The following HCN1 variants were observed in gnomAD, a reference collection of about 807,000 sequenced individuals.
HCN1 encodes the protein potassium/sodium hyperpolarization-activated cyclic nucleotide-gated channel 1.
In HCN1, 13 loss-of-function variants were observed where a neutral mutation model predicts 78.9. That is an observed-to-expected ratio of 0.16 (90% confidence interval 0.11 to 0.26). HCN1 has a LOEUF of 0.26. Among genes scored for constraint, HCN1 ranks in the 10% least tolerant of loss-of-function variants. HCN1 has a pLI of 1.00. For synonymous variants in HCN1, 552 were observed against 455.5 expected (o/e 1.21, Z -2.70); for missense variants, 810 against 1,154.3 (o/e 0.70, Z 4.32).
rs560403414 is a variant in HCN1 at position 45,398,104 on chromosome 5, T to C, written c.1012-1394A>G. ...ACTTCTGATAATTTATTTAAAAATA[T>C]ATATTTGAGTACATTTGGAGCTGAT... On this transcript the variant is annotated intron_variant, in intron 3 of 7. Transcript: ENST00000303230. 2.0e-4 allele frequency among the ~76,000 whole-genome samples: 31 copies of C among 152,108 alleles called. No individual in the cohort carries two copies. In the East Asian group the frequency reaches 2.5e-3, roughly 12 times the overall value.
At chr5:45,500,968 TC>T (rs1742175608) in intron 2 of HCN1, among the ~76,000 whole-genome samples, 1 of 152,174 alleles carries the variant, frequency 6.6e-6, no homozygotes, top group Admixed American at 6.5e-5. Flanking sequence ...CAAACTTTTA[TC>T]CTATTTATCT....
intron 2 of HCN1, among the ~76,000 whole-genome samples, chr5:45,553,697 C>T (rs1743419298): frequency 6.6e-6 from 1 of 151,854 alleles, no homozygotes; most frequent in Non-Finnish European, 1.5e-5. Flanking sequence ...TGTGCATCTG[C>T]CCATATACCT....
rs547688041 is a variant in HCN1 at position 45,514,064 on chromosome 5, G to A, written c.850-52057C>T. Among the ~76,000 whole-genome samples the A allele has an allele frequency of 1.4e-4, 22 of 152,108 alleles. 1 individual carries two copies. The South Asian group carries it at 4.2e-3, about 29-fold the overall frequency. ...GAAAGTTATAGGATAGAAACTATAC[G>A]TCAAAGAAAGGTTAACAGTGGGAAC... On this transcript the variant is annotated intron_variant, in intron 2 of 7. Coordinates refer to ENST00000303230, the MANE Select transcript of HCN1 (RefSeq NM_021072.4).
intron 3 of HCN1, among the ~76,000 whole-genome samples, chr5:45,446,996 C>T (rs1055366311): frequency 6.6e-6 from 1 of 151,116 alleles, no homozygotes; most frequent in African/African-American, 2.4e-5. Flanking sequence ...GCAAAATAAC[C>T]AGCTAACATC....
chr5:45,301,507 C>T lies in HCN1; in HGVS notation c.1618+2092G>A, dbSNP rs114954170. 4.8e-3 allele frequency among the ~76,000 whole-genome samples: 726 copies of T among 151,192 alleles called. 3 individuals carry two copies. The highest frequency in any genetic ancestry group is 0.017 in the African/African-American group (695 of 41,318). On this transcript the variant is annotated intron_variant, in intron 6 of 7. Coordinates refer to ENST00000303230, the MANE Select transcript of HCN1 (RefSeq NM_021072.4). ...GTCAAGGGAGGAGGATTGTTTGAGC[C>T]CAGGAGTTAGAGACCAGCCTGGGCA...
chr5:45,287,719 C>A (rs758882399), intron 6 of HCN1, among the ~76,000 whole-genome samples: 3 of 152,038 alleles, frequency 2.0e-5, no homozygotes, highest in Non-Finnish European at 4.4e-5. Flanking sequence ...CACACACACA[C>A]ATTGATATAG....
intron 2 of HCN1, among the ~76,000 whole-genome samples, chr5:45,564,635 T>C (rs988108779): frequency 7.9e-5 from 12 of 152,352 alleles, no homozygotes; most frequent in Non-Finnish European, 1.3e-4. Flanking sequence ...TAATCCTTTA[T>C]GCCAGTCTCA....
At chr5:45,276,325 CAGTGT>C (rs1745057705) in intron 6 of HCN1, among the ~76,000 whole-genome samples, 1 of 152,054 alleles carries the variant, frequency 6.6e-6, no homozygotes, top group African/African-American at 2.4e-5. Flanking sequence ...TTCATTAGTG[CAGTGT>C]CACACTTTAA....
chr5:45,381,211 T>G (rs947684800), intron 4 of HCN1, among the ~76,000 whole-genome samples: 2 of 152,098 alleles, frequency 1.3e-5, no homozygotes, highest in African/African-American at 4.8e-5. Context: ...TGAAAATAAT[T>G]TAATATTTTT....
rs78604847 is a variant in HCN1 at position 45,489,659 on chromosome 5, C to T, written c.850-27652G>A. On this transcript the variant is annotated intron_variant, in intron 2 of 7. Coordinates refer to ENST00000303230, the MANE Select transcript of HCN1 (RefSeq NM_021072.4). Reference sequence around the variant, plus strand: ...GCTTCAGTTTCTCCAGTAAAGGCACCAAAGTATTTAGCATGGTCAGCTTAT... The same window carrying T: ...GCTTCAGTTTCTCCAGTAAAGGCACTAAAGTATTTAGCATGGTCAGCTTAT... Among the ~76,000 whole-genome samples the T allele has an allele frequency of 4.7e-3, 710 of 152,164 alleles. 4 individuals are homozygous for T. Among genetic ancestry groups the T allele is most frequent in the Middle Eastern group, 0.01 (3 of 294 alleles).
intron 2 of HCN1, among the ~76,000 whole-genome samples, chr5:45,561,932 T>C (rs1743613174): frequency 6.6e-6 from 1 of 152,184 alleles, no homozygotes; most frequent in Non-Finnish European, 1.5e-5. Context: ...AAGCTTTGTG[T>C]TTAAGACTTT....
intron 2 of HCN1, among the ~76,000 whole-genome samples, chr5:45,471,490 T>A (rs553135365): frequency 1.3e-5 from 2 of 152,032 alleles, no homozygotes; most frequent in South Asian, 2.1e-4. Context: ...CTTTCAACTC[T>A]TAAAAAGTTT....
chr5:45,302,232 T>C (rs1166928608), intron 6 of HCN1, among the ~76,000 whole-genome samples: 2 of 151,926 alleles, frequency 1.3e-5, no homozygotes, highest in African/African-American at 4.8e-5. Context: ...TGCCCCCATG[T>C]TGTTCTCATG....
intron 1 of HCN1, among the ~76,000 whole-genome samples, chr5:45,676,998 G>T (rs987182647): frequency 6.6e-6 from 1 of 151,698 alleles, no homozygotes; most frequent in Non-Finnish European, 1.5e-5. Context: ...TTTTTCAGCA[G>T]TTGCTTCATT....
chr5:45,437,217 A>T (rs1740575302), intron 3 of HCN1, among the ~76,000 whole-genome samples: 1 of 152,206 alleles, frequency 6.6e-6, no homozygotes, highest in African/African-American at 2.4e-5. Context: ...GAATGAATGA[A>T]TCGGGTATGA....
intron 2 of HCN1, among the ~76,000 whole-genome samples, chr5:45,488,139 C>A (rs1741806687): frequency 6.6e-6 from 1 of 152,040 alleles, no homozygotes; most frequent in African/African-American, 2.4e-5. Flanking sequence ...CTTCCTTGAC[C>A]ACCTGGTTTA....
At chr5:45,686,820 C>T (rs1288882058) in intron 1 of HCN1, among the ~76,000 whole-genome samples, 1 of 152,112 alleles carries the variant, frequency 6.6e-6, no homozygotes, top group Non-Finnish European at 1.5e-5. Context: ...CTTTACCGCC[C>T]CAGTCTGGAC....
At chr5:45,372,795 T>TACGTATTCTATACACAAATATATG (rs1747441986) in intron 4 of HCN1, among the ~76,000 whole-genome samples, 1 of 140,114 alleles carries the variant, frequency 7.1e-6, no homozygotes, top group African/African-American at 2.7e-5. Flanking sequence ...ACAAAAATAT[T>TACGTATTCTATACACAAATATATG]TACGTATTCT....
At chr5:45,366,473 T>C (rs2111998480) in intron 4 of HCN1, among the ~76,000 whole-genome samples, 1 of 151,882 alleles carries the variant, frequency 6.6e-6, no homozygotes, top group East Asian at 1.9e-4. Context: ...AAACAGGACA[T>C]TGTTTAAATA....
Sources: gnomAD v4.1 joint callset for allele counts (sites outside exome capture counted in the v4.1 genomes callset) on GRCh38, gnomAD v4.1.1 for gene constraint, MANE v1.5 for transcripts, NCBI Gene and HGNC (gene_info 2026-07-23, HGNC 2026-07-21) for gene names.